Variants in LAMA2 observed in about 807,000 individuals in gnomAD.
LAMA2 encodes laminin subunit alpha-2.
LAMA2 carries 269 observed loss-of-function variants against 364.8 expected under a neutral mutation model. The observed-to-expected ratio is 0.74, with a 90% CI of 0.67 to 0.82. LAMA2 has a LOEUF of 0.82. Ranked by LOEUF, LAMA2 falls within the 40% of genes least tolerant of loss-of-function variation. The probability of loss-of-function intolerance (pLI) is 0.00; values close to 1 mark genes in which losing one functional copy is unlikely to be tolerated. For synonymous variants in LAMA2, 1,379 were observed against 1,370.6 expected, an observed-to-expected ratio of 1.01 and a Z score of -0.14; for missense variants, 3,807 against 3,873.2, an observed-to-expected ratio of 0.98 and a Z score of 0.45.
intron 1 of LAMA2, among the ~76,000 whole-genome samples, chr6:128,980,530 T>C (rs1177378632): frequency 6.6e-6 from 1 of 152,222 alleles, no homozygotes; most frequent in African/African-American, 2.4e-5. Flanking sequence ...ACATTTCTCA[T>C]GGAATAATGG....
intron 34 of LAMA2, among the ~76,000 whole-genome samples, chr6:129,374,515 C>G (rs1041675472): frequency 6.6e-6 from 1 of 152,062 alleles, no homozygotes; most frequent in African/African-American, 2.4e-5. Context: ...TACTGTGATC[C>G]TGTAGTTACC....
chr6:128,922,395 C>T (rs1778797705), intron 1 of LAMA2, among the ~76,000 whole-genome samples: 1 of 151,550 alleles, frequency 6.6e-6, no homozygotes. Flanking sequence ...TTAATGATTG[C>T]CATTCTAACT....
At chr6:129,156,700 G>A (rs574299451) in intron 8 of LAMA2, among the ~76,000 whole-genome samples, 19 of 152,080 alleles carry the variant, frequency 1.2e-4, no homozygotes, top group African/African-American at 3.6e-4. Flanking sequence ...GATGTTTTCC[G>A]TGACAAAAAT....
At chr6:129,097,530 G>A (rs1299389817) in intron 3 of LAMA2, among the ~76,000 whole-genome samples, 1 of 152,104 alleles carries the variant, frequency 6.6e-6, no homozygotes, top group Non-Finnish European at 1.5e-5. Context: ...AGAAGGTACA[G>A]AAACCCTTCA....
At chr6:129,272,915 A>G (rs265398) in intron 17 of LAMA2, among the ~76,000 whole-genome samples, 150,294 of 152,240 alleles carry the variant, frequency 0.99, 74,217 homozygotes, top group Middle Eastern at 1. Context: ...CCTCCCCTGC[A>G]TCTGTGGAAA....
chr6:129,171,571 AG>A (rs879760265), intron 9 of LAMA2, among the ~76,000 whole-genome samples: 2,918 of 151,846 alleles, frequency 0.019, 111 homozygotes, highest in African/African-American at 0.066. Context: ...CTTCCCTTTG[AG>A]GGTAACCCGA....
chr6:129,193,887 G>A (rs1781684508), intron 12 of LAMA2, among the ~76,000 whole-genome samples: 1 of 152,014 alleles, frequency 6.6e-6, no homozygotes, highest in South Asian at 2.1e-4. Flanking sequence ...TGGTGGTGTT[G>A]GCTGGTTGAA....
At chr6:129,413,335 T>C (rs560293221) in intron 40 of LAMA2, among the ~76,000 whole-genome samples, 2 of 152,224 alleles carry the variant, frequency 1.3e-5, no homozygotes, top group African/African-American at 4.8e-5. Flanking sequence ...CATTTTCATA[T>C]ATATAATAGG....
intron 28 of LAMA2, among the ~76,000 whole-genome samples, chr6:129,322,343 A>G (rs1458812585): frequency 6.6e-6 from 1 of 152,232 alleles, no homozygotes; most frequent in East Asian, 1.9e-4. Context: ...CACATAGTGT[A>G]TGGGTGAAAA....
At chr6:128,921,873 A>C (rs1263879825) in intron 1 of LAMA2, among the ~76,000 whole-genome samples, 2 of 84,086 alleles carry the variant, frequency 2.4e-5, no homozygotes, top group Admixed American at 1.8e-4. Flanking sequence ...CCACCCCACA[A>C]CAGTCCCCAG....
intron 1 of LAMA2, among the ~76,000 whole-genome samples, chr6:128,899,526 G>C (rs372741650): frequency 2.0e-5 from 3 of 152,198 alleles, no homozygotes; most frequent in South Asian, 4.1e-4. Flanking sequence ...CATATGGTAG[G>C]CACTCAAAAA....
intron 40 of LAMA2, among the ~76,000 whole-genome samples, chr6:129,427,202 C>A (rs1357959418): frequency 6.6e-6 from 1 of 152,034 alleles, no homozygotes; most frequent in Non-Finnish European, 1.5e-5. Flanking sequence ...TTTGCCATAC[C>A]GCTTTAAGAT....
chr6:129,163,644 C>CAAAT (rs988268001), intron 8 of LAMA2, among the ~76,000 whole-genome samples: 6 of 152,144 alleles, frequency 3.9e-5, no homozygotes, highest in African/African-American at 1.4e-4. Context: ...AAAATAAATA[C>CAAAT]AAATAAATAA....
intron 12 of LAMA2, among the ~76,000 whole-genome samples, chr6:129,213,630 GA>G (rs1454504296): frequency 1.3e-5 from 2 of 152,192 alleles, no homozygotes; most frequent in South Asian, 2.1e-4. Context: ...GATGTAAGAT[GA>G]TGAGCATGTT....
At chr6:129,084,622 T>C (rs1774264514) in intron 3 of LAMA2, among the ~76,000 whole-genome samples, 1 of 152,140 alleles carries the variant, frequency 6.6e-6, no homozygotes, top group Non-Finnish European at 1.5e-5. Flanking sequence ...AATGAAAAAG[T>C]CCCCTCCATG....
chr6:129,438,585 CA>C (rs891893176), intron 41 of LAMA2, 60 bp from the exon 42 acceptor site: 3 of 816,944 alleles, frequency 3.7e-6, no homozygotes, highest in African/African-American at 1.7e-5. Flanking sequence ...ATTGCACATC[CA>C]AGTATAAGCT....
chr6:129,062,595 G>A (rs935486989), intron 3 of LAMA2, among the ~76,000 whole-genome samples: 1 of 151,968 alleles, frequency 6.6e-6, no homozygotes, highest in Non-Finnish European at 1.5e-5. Context: ...CCTCTAAAAT[G>A]GCAAAGCTTC....
rs374127279 is a variant in LAMA2 at position 129,210,003 on chromosome 6, CA to C, written c.1782+17172del. On this transcript the variant is annotated intron_variant, in intron 12 of 64. Coordinates refer to ENST00000421865, the MANE Select transcript of LAMA2 (RefSeq NM_000426.4). ...CGGGCGACAGAGCGAGACTCCATCT[CA>C]AAAAAAAAAAAAAAAAAAAAATTTT... 3.5e-3 allele frequency among the ~76,000 whole-genome samples: 239 copies of C among 67,646 alleles called. 1 individual carries two copies. Among genetic ancestry groups the C allele is most frequent in the Middle Eastern group, 0.027 (3 of 112 alleles). 44.4% of individuals were successfully genotyped at this position (67,646 alleles called of 152,430 possible).
At chr6:128,889,393 G>C (rs1478030310) in intron 1 of LAMA2, among the ~76,000 whole-genome samples, 1 of 152,032 alleles carries the variant, frequency 6.6e-6, no homozygotes, top group Non-Finnish European at 1.5e-5. Flanking sequence ...CTTATTCTAT[G>C]TTCTGTTTCC....
Sources: gnomAD v4.1 joint callset for allele counts (sites outside exome capture counted in the v4.1 genomes callset) on GRCh38, gnomAD v4.1.1 for gene constraint, MANE v1.5 for transcripts, NCBI Gene and HGNC (gene_info 2026-07-23, HGNC 2026-07-21) for gene names.